EYS: variants seen among roughly 807,000 people sequenced by gnomAD.
The protein encoded by EYS is protein eyes shut homolog.
EYS carries 250 observed loss-of-function variants against 282.1 expected under a neutral mutation model. The observed-to-expected ratio is 0.89, with a 90% CI of 0.80 to 0.98. The LOEUF is 0.98. EYS is among the 50% of genes least tolerant of loss of function. EYS has a pLI of 0.00. For missense variants in EYS, 4,016 were observed against 3,709.0 expected (o/e 1.08, Z -2.15); for synonymous variants, 1,355 against 1,282.9 (o/e 1.06, Z -1.20).
chr6:64,212,370 C>CA (rs1256449939), intron 31 of EYS, among the ~76,000 whole-genome samples: 1 of 151,470 alleles, frequency 6.6e-6, no homozygotes, highest in Non-Finnish European at 1.5e-5. Context: ...CAATAAGTCC[C>CA]AAAAGGCAAA....
At chr6:65,607,360 C>T (rs965378344) in intron 2 of EYS, among the ~76,000 whole-genome samples, 3 of 151,802 alleles carry the variant, frequency 2.0e-5, no homozygotes, top group African/African-American at 7.2e-5. Flanking sequence ...TAACTTCTCT[C>T]TAAAGTTATT....
intron 31 of EYS, among the ~76,000 whole-genome samples, chr6:64,117,085 TG>T (rs1173001710): frequency 6.6e-6 from 1 of 152,082 alleles, no homozygotes; most frequent in East Asian, 1.9e-4. Flanking sequence ...AGAGATATAC[TG>T]AATATTGCAT....
chr6:64,847,112 C>A (rs1302753354), intron 19 of EYS, among the ~76,000 whole-genome samples: 1 of 152,088 alleles, frequency 6.6e-6, no homozygotes, highest in Non-Finnish European at 1.5e-5. Flanking sequence ...CATTGATTTT[C>A]TCCTGCCTTG....
At chr6:64,469,285 C>A (rs570335327) in intron 26 of EYS, among the ~76,000 whole-genome samples, 10 of 152,204 alleles carry the variant, frequency 6.6e-5, no homozygotes, top group Non-Finnish European at 1.3e-4. Context: ...ATGTGGGCGG[C>A]AAGCCACCCA....
intron 26 of EYS, among the ~76,000 whole-genome samples, chr6:64,553,551 C>G (rs920257367): frequency 7.7e-6 from 1 of 129,304 alleles, no homozygotes; most frequent in Non-Finnish European, 1.7e-5. Context: ...TTTGACCCCC[C>G]CCCCCCCATA....
intron 4 of EYS, among the ~76,000 whole-genome samples, chr6:65,492,178 T>A (rs918365001): frequency 6.6e-6 from 1 of 152,204 alleles, no homozygotes; most frequent in Non-Finnish European, 1.5e-5. Flanking sequence ...AAAATTGAAG[T>A]AATTATTTAT....
chr6:65,093,030 T>C (rs1453946686), intron 12 of EYS, among the ~76,000 whole-genome samples: 2 of 152,096 alleles, frequency 1.3e-5, no homozygotes, highest in Non-Finnish European at 2.9e-5. Context: ...ATACCAAAGA[T>C]AATTTTAAAA....
At chr6:65,170,223 TGCAC>T (rs1291511027) in intron 12 of EYS, among the ~76,000 whole-genome samples, 3 of 149,932 alleles carry the variant, frequency 2.0e-5, no homozygotes, top group Non-Finnish European at 4.5e-5. Flanking sequence ...CACGCGCGCG[TGCAC>T]GCACACACAC....
At chr6:64,377,763 G>A (rs1772607793) in intron 29 of EYS, 1 of 151,834 alleles carries the variant, frequency 6.6e-6, no homozygotes, top group South Asian at 2.1e-4. Context: ...CATCAGACCC[G>A]ATCTCTCCAT....
chr6:64,682,694 G>A (rs1189830039), intron 22 of EYS, among the ~76,000 whole-genome samples: 1 of 152,186 alleles, frequency 6.6e-6, no homozygotes, highest in Non-Finnish European at 1.5e-5. Context: ...TGAGAAAGAA[G>A]ACAGTCTGTG....
intron 12 of EYS, among the ~76,000 whole-genome samples, chr6:65,077,358 A>T (rs1774086930): frequency 1.3e-5 from 2 of 152,108 alleles, no homozygotes; most frequent in East Asian, 3.9e-4. Context: ...GACAAACAGT[A>T]AATAAAATAT....
intron 35 of EYS, among the ~76,000 whole-genome samples, chr6:63,928,694 T>C (rs1764797715): frequency 6.6e-6 from 1 of 152,228 alleles, no homozygotes; most frequent in South Asian, 2.1e-4. Flanking sequence ...AAGGACAATT[T>C]CTTCCTGACA....
At chr6:64,111,385 C>T (rs574236104) in intron 31 of EYS, among the ~76,000 whole-genome samples, 17 of 152,110 alleles carry the variant, frequency 1.1e-4, no homozygotes, top group African/African-American at 3.4e-4. Context: ...GAGTCGAGCA[C>T]GGATGGAAGA....
At chr6:64,229,845 T>G (rs1170394748) in intron 31 of EYS, among the ~76,000 whole-genome samples, 2 of 152,172 alleles carry the variant, frequency 1.3e-5, no homozygotes, top group African/African-American at 2.4e-5. Context: ...GGATAAGTAA[T>G]AAAATTATCT....
At chr6:64,688,105 T>C (rs1770226286) in intron 22 of EYS, among the ~76,000 whole-genome samples, 1 of 152,096 alleles carries the variant, frequency 6.6e-6, no homozygotes, top group African/African-American at 2.4e-5. Flanking sequence ...TCTATTTGAT[T>C]CTTCTCTCTT....
intron 12 of EYS, among the ~76,000 whole-genome samples, chr6:65,180,050 G>A (rs1036158039): frequency 4.0e-5 from 6 of 150,836 alleles, no homozygotes; most frequent in African/African-American, 1.2e-4. Flanking sequence ...TTGATGGGAC[G>A]TATCTCAAAA....
intron 26 of EYS, among the ~76,000 whole-genome samples, chr6:64,469,067 G>A (rs1776025776): frequency 6.6e-6 from 1 of 152,144 alleles, no homozygotes; most frequent in Non-Finnish European, 1.5e-5. Flanking sequence ...TTGAGAAATT[G>A]CCAAACTGGT....
At chr6:64,778,468 C>A (rs1773749064) in intron 22 of EYS, among the ~76,000 whole-genome samples, 1 of 152,174 alleles carries the variant, frequency 6.6e-6, no homozygotes, top group Non-Finnish European at 1.5e-5. Flanking sequence ...ATTTTCTTCT[C>A]TTCTTTTGTC....
chr6:64,559,832 T>G (rs1049795105), intron 26 of EYS, among the ~76,000 whole-genome samples: 1 of 152,104 alleles, frequency 6.6e-6, no homozygotes, highest in Non-Finnish European at 1.5e-5. Flanking sequence ...CACAGGGGTT[T>G]GTTGTACAGA....
Sources: gnomAD v4.1 joint callset for allele counts (sites outside exome capture counted in the v4.1 genomes callset) on GRCh38, gnomAD v4.1.1 for gene constraint, MANE v1.5 for transcripts, NCBI Gene and HGNC (gene_info 2026-07-23, HGNC 2026-07-21) for gene names.